The following TBC1D10C variants were observed in gnomAD, a reference collection of about 807,000 sequenced individuals.
TBC1D10C encodes the protein TBC1 domain family member 10C.
A neutral mutation model predicts 51.0 loss-of-function variants in TBC1D10C; 49 were observed. The ratio of observed to expected loss-of-function variants is 0.96; its 90% CI spans 0.76 to 1.22. TBC1D10C has a LOEUF of 1.22. Among genes scored for constraint, TBC1D10C ranks in the 50% most tolerant of loss-of-function variants. The probability of loss-of-function intolerance (pLI) is 0.00; values close to 1 mark genes in which losing one functional copy is unlikely to be tolerated. For synonymous variants in TBC1D10C, 281 were observed against 266.7 expected (o/e 1.05, Z -0.52); for missense variants, 541 against 617.5 (o/e 0.88, Z 1.31).
At position 67,409,750 on chromosome 11, in the gene TBC1D10C, T is replaced by C. The variant is rs1590951738; in HGVS notation, c.1337T>C (p.Phe446Ser). 1 of 1,582,174 alleles carries C rather than the reference T, an allele frequency of 6.3e-7. No individual in the cohort carries two copies. The highest frequency in any genetic ancestry group is 2.2e-5 in the East Asian group (1 of 44,798). ...RGSTSFLDTRF is the reference protein window; with the variant it reads ...RGSTSFLDTRS Reference sequence around the variant, plus strand: ...TCCACCTCCTTCCTGGACACCCGCTTCTGAGAGGACCATGGACTTAGTGTC... The same window carrying C: ...TCCACCTCCTTCCTGGACACCCGCTCCTGAGAGGACCATGGACTTAGTGTC... The change falls in exon 9 of 9, where the codon TTC (phenylalanine) becomes TCC (serine). Residue 446 changes from phenylalanine (F) to serine (S), a missense_variant. Coordinates refer to ENST00000542590, the MANE Select transcript of TBC1D10C (RefSeq NM_001369496.1).
In TBC1D10C at chr11:67,405,931, G is replaced by A. The variant is rs1266473243; in HGVS notation, c.496G>A (p.Ala166Thr). Residue 166 changes from alanine (A) to threonine (T), a missense_variant, in exon 5 of 9, where the codon GCC becomes ACC. Transcript: ENST00000542590. ...GQQGLLQVLK[A>T]YTLYRPEQGY... is the part of the protein sequence containing the mutation. ...GCAGGGGCTCCTGCAGGTGCTCAAG[G>A]CCTACACCCTGTATCGACCGGAGCA... The A allele has an allele frequency of 1.2e-6, 2 of 1,603,574 alleles. No individual in the cohort carries two copies. Among genetic ancestry groups the A allele is most frequent in the Non-Finnish European group, 1.7e-6 (2 of 1,175,846 alleles).
Position 67,405,513 on chromosome 11 carries a change from G to C in TBC1D10C, c.360+7G>C. ...CAGCCCTGGCACCTATCAGGTGAGG[G>C]AGTGGGCAGGGGCCCCAATTCCCCT... On this transcript the variant is annotated splice_region_variant and intron_variant, in intron 3 of 8. Coordinates refer to ENST00000542590, the MANE Select transcript of TBC1D10C (RefSeq NM_001369496.1). 1.9e-6 allele frequency: 3 copies of C among 1,612,356 alleles called. No homozygotes were observed. Among genetic ancestry groups the C allele is most frequent in the Non-Finnish European group, 2.5e-6 (3 of 1,179,570 alleles).
intron 7 of TBC1D10C, chr11:67,407,409 C>A: frequency 4.6e-6 from 1 of 216,748 alleles, no homozygotes; most frequent in African/African-American, 2.3e-5. Context: ...GGATGGGTGG[C>A]GACAGTAACC....
At chr11:67,409,314 C>T in intron 8 of TBC1D10C, 93 bp from the exon 9 acceptor site, 1 of 1,431,696 alleles carries the variant, frequency 7.0e-7, no homozygotes, top group Non-Finnish European at 9.4e-7. Flanking sequence ...CTGTCAGCCC[C>T]TCAGTCCTCA....
In TBC1D10C at chr11:67,404,317, C is replaced by G. The variant is rs371478822; in HGVS notation, c.115C>G (p.Arg39Gly). 6.3e-7 allele frequency: 1 copy of G among 1,596,298 alleles called. No individual in the cohort carries two copies. Among genetic ancestry groups the G allele is most frequent in the South Asian group, 1.1e-5 (1 of 90,544 alleles). The change falls in exon 1 of 9, where the codon CGC becomes GGC. Residue 39 changes from arginine to glycine, a missense_variant. By Grantham distance (125) the Arg-to-Gly change is moderately radical (BLOSUM62 -2). Coordinates refer to ENST00000542590, the MANE Select transcript of TBC1D10C (RefSeq NM_001369496.1). Reference sequence around the variant, plus strand: ...GCCTGGCCCATATCGCCAGGCCGACCGCTATGGATTCATTGGGGGCAGCTC... The same window carrying G: ...GCCTGGCCCATATCGCCAGGCCGACGGCTATGGATTCATTGGGGGCAGCTC... ...SGPGPYRQAD[R>G]YGFIGGSSAE... is the part of the protein sequence containing the mutation.
At position 67,404,337 on chromosome 11, in the gene TBC1D10C, C is replaced by T. The variant is rs1863053185; in HGVS notation, c.135C>T (p.Gly45=). The change falls in exon 1 of 9, where the codon GGC becomes GGT. Residue 45 remains glycine, a synonymous_variant. Transcript: ENST00000542590. ...CCGACCGCTATGGATTCATTGGGGG[C>T]AGCTCAGCAGAGCCAGGGTAAGGGG... The part of the protein sequence containing the change: ...RQADRYGFIG[G]SSAEPGPGHP... The T allele has an allele frequency of 6.3e-7, 1 of 1,585,766 alleles. No homozygotes were observed. The highest frequency in any genetic ancestry group is 1.1e-5 in the South Asian group (1 of 89,764).
At chr11:67,407,263 G>A (rs554174062) in intron 7 of TBC1D10C, 15 of 506,662 alleles carry the variant, frequency 3.0e-5, no homozygotes, top group Admixed American at 7.6e-5. Flanking sequence ...AGCACATGGA[G>A]GCCTGAGCTT....
At chr11:67,404,565 T>C (rs1034979123) in intron 1 of TBC1D10C, among the ~76,000 whole-genome samples, 11 of 151,958 alleles carry the variant, frequency 7.2e-5, no homozygotes, top group African/African-American at 2.7e-4. Flanking sequence ...CCTCCGAGGG[T>C]TTGCACCCAC....
Position 67,409,769 on chromosome 11 carries a change from T to TA in TBC1D10C, c.*16dup. The TA allele has an allele frequency of 1.3e-6, 2 of 1,562,680 alleles. No individual in the cohort carries two copies. Among genetic ancestry groups the TA allele is most frequent in the African/African-American group, 1.4e-5 (1 of 72,800 alleles). Reference sequence around the variant, plus strand: ...CCCGCTTCTGAGAGGACCATGGACTTAGTGTCCCCCAGTCTCAATTGCCTG... The same window carrying TA: ...CCCGCTTCTGAGAGGACCATGGACTTAAGTGTCCCCCAGTCTCAATTGCCTG... On this transcript the variant is annotated 3_prime_UTR_variant, in exon 9 of 9. Coordinates refer to ENST00000542590, the MANE Select transcript of TBC1D10C (RefSeq NM_001369496.1).
At chr11:67,406,588 G>A in intron 5 of TBC1D10C, 39 bp from the exon 6 acceptor site, 1 of 1,530,666 alleles carries the variant, frequency 6.5e-7, no homozygotes. Context: ...TCCCTTCCTT[G>A]GTGAGCACTT....
chr11:67,406,792 T>A (rs776455200), intron 6 of TBC1D10C, 35 bp from the exon 7 acceptor site: 1 of 1,608,648 alleles, frequency 6.2e-7, no homozygotes, highest in African/African-American at 1.3e-5. Context: ...GCTCTGGGGG[T>A]GGCGGTGCTG....
chr11:67,405,966 CCAGGCCCAGGGGCCCGTGGCTGCTGT>C lies in TBC1D10C; in HGVS notation c.532_557del (p.Gln178AlafsTer19), dbSNP rs777243307. On this transcript the variant is annotated frameshift_variant, in exon 5 of 9. Transcript: ENST00000542590. LOFTEE classifies it high-confidence loss of function. ...TGTATCGACCGGAGCAGGGCTACTG[CCAGGCCCAGGGGCCCGTGGCTGCTGT>C]GCTGCTCATGCACCTGCCCCCAGAG... The C allele has an allele frequency of 1.0e-4, 164 of 1,606,466 alleles. No individual in the cohort carries two copies. The highest frequency in any genetic ancestry group is 1.0e-4 in the Non-Finnish European group (121 of 1,177,536).
At chr11:67,404,377 G>A in intron 1 of TBC1D10C, 23 bp downstream of exon 1, 1 of 1,548,652 alleles carries the variant, frequency 6.5e-7, no homozygotes, top group Non-Finnish European at 8.8e-7. Context: ...GGTGAGGGCT[G>A]GCGGAATGCT....
At position 67,409,875 on chromosome 11, in the gene TBC1D10C, C is replaced by G. The variant is rs1370634953; in HGVS notation, c.*121C>G. The stretch of plus-strand genomic sequence containing the variant: ...ACTTGGCTTCCTTCCTGGCAAGGAC[C>G]AGGCAGTGGGGAAGGAGGAGGTCCT... On this transcript the variant is annotated 3_prime_UTR_variant, in exon 9 of 9. Coordinates refer to ENST00000542590, the MANE Select transcript of TBC1D10C (RefSeq NM_001369496.1). 2.3e-6 allele frequency: 2 copies of G among 864,544 alleles called. No individual in the cohort carries two copies. Among genetic ancestry groups the G allele is most frequent in the Admixed American group, 2.9e-5 (1 of 34,284 alleles). The allele number at this position is 864,544 out of a possible 1,614,324, so 53.6% of individuals were successfully genotyped here. A position where few individuals can be genotyped will look rare whatever the true frequency, so the allele number is the denominator to read the frequency against.
At position 67,409,687 on chromosome 11, in the gene TBC1D10C, G is replaced by A. The variant is rs750899662; in HGVS notation, c.1274G>A (p.Gly425Asp). Residue 425 changes from glycine (G) to aspartate (D), a missense_variant, in exon 9 of 9, where the codon GGC becomes GAC. By Grantham distance (94) the Gly-to-Asp change is moderately conservative (BLOSUM62 -1). Coordinates refer to ENST00000542590, the MANE Select transcript of TBC1D10C (RefSeq NM_001369496.1). Reference protein sequence around the residue: ...TFHGLLTRARGPPIEGPPRPQ... With the variant: ...TFHGLLTRARDPPIEGPPRPQ... ...CATGGGCTCCTGACTCGGGCCCGGG[G>A]CCCCCCCATCGAGGGGCCCCCCAGG... is the stretch of plus-strand genomic sequence containing the variant. 11 of 1,596,996 alleles carry A rather than the reference G, an allele frequency of 6.9e-6. No homozygotes were observed. The South Asian group carries it at 1.1e-4, about 16-fold the overall frequency.
At chr11:67,403,918 G>A, upstream of TBC1D10C, 1 of 338,384 alleles carries the variant, frequency 3.0e-6, no homozygotes, top group East Asian at 4.9e-5. Context: ...TGTGTGAGGA[G>A]GAGGAGGAAG....
At position 67,406,670 on chromosome 11, in the gene TBC1D10C, CTGGGTACT is replaced by C; in HGVS notation, c.627_634del (p.Gly210ArgfsTer67). On this transcript the variant is annotated frameshift_variant, in exon 6 of 9. Coordinates refer to ENST00000542590, the MANE Select transcript of TBC1D10C (RefSeq NM_001369496.1). LOFTEE classifies it high-confidence loss of function. The stretch of plus-strand genomic sequence containing the variant: ...GTGCAGATCTGTGAGGTCTACCTCC[CTGGGTACT>C]ACGGGCCCCACATGGTGAGAGGCTG... 6.3e-7 allele frequency: 1 copy of C among 1,577,816 alleles called. No homozygotes were observed. Among genetic ancestry groups the C allele is most frequent in the Non-Finnish European group, 8.6e-7 (1 of 1,161,238 alleles).
At chr11:67,405,288 C>A in intron 2 of TBC1D10C, 104 bp downstream of exon 2, 1 of 1,494,408 alleles carries the variant, frequency 6.7e-7, no homozygotes, top group Non-Finnish European at 9.1e-7. Flanking sequence ...CACCTCCGGC[C>A]TTTGCTCCCT....
chr11:67,405,248 T>C (rs1031133928), intron 2 of TBC1D10C, 64 bp downstream of exon 2: 26 of 1,526,546 alleles, frequency 1.7e-5, no homozygotes, highest in Non-Finnish European at 2.3e-5. Flanking sequence ...AGCCCACATC[T>C]TGGCAAAATG....
Sources: gnomAD v4.1 joint callset for allele counts (sites outside exome capture counted in the v4.1 genomes callset) on GRCh38, gnomAD v4.1.1 for gene constraint, MANE v1.5 for transcripts, NCBI Gene and HGNC (gene_info 2026-07-23, HGNC 2026-07-21) for gene names.